TNFSF4: variants seen among roughly 807,000 people sequenced by gnomAD.
TNFSF4 encodes the protein TNF superfamily member 4, also known as tumor necrosis factor ligand superfamily member 4.
TNFSF4 carries 4 observed loss-of-function variants against 7.3 expected under a neutral mutation model. That is an observed-to-expected ratio of 0.55 (90% CI 0.27 to 1.25). The LOEUF is 1.25. Among genes scored for constraint, TNFSF4 ranks in the 50% most tolerant of loss-of-function variants. The pLI is 0.12. For synonymous variants in TNFSF4, 76 were observed against 83.7 expected (o/e 0.91, Z 0.50); for missense variants, 181 against 208.8 (o/e 0.87, Z 0.82).
At chr1:173,373,410 A>G in the TNFSF4 span, among the ~76,000 whole-genome samples, 1 of 152,204 alleles carries the variant, frequency 6.6e-6, no homozygotes, top group Non-Finnish European at 1.5e-5. Flanking sequence ...GTATTCCCCA[A>G]CTGAAACAGA....
chr1:173,299,633 A>G, the TNFSF4 span, among the ~76,000 whole-genome samples: 1 of 151,894 alleles, frequency 6.6e-6, no homozygotes, highest in Non-Finnish European at 1.5e-5. Context: ...TGCTTTTTGT[A>G]TTGACTATTT....
the TNFSF4 span, among the ~76,000 whole-genome samples, chr1:173,361,972 A>C: frequency 6.6e-6 from 1 of 152,192 alleles, no homozygotes; most frequent in African/African-American, 2.4e-5. Flanking sequence ...CATCAATTCC[A>C]AGAGGGCCAT....
the TNFSF4 span, among the ~76,000 whole-genome samples, chr1:173,335,278 C>T: frequency 1.3e-5 from 2 of 152,008 alleles, no homozygotes; most frequent in Non-Finnish European, 2.9e-5. Flanking sequence ...GGATATGTTA[C>T]TTAAGATCTA....
the TNFSF4 span, among the ~76,000 whole-genome samples, chr1:173,258,798 GC>G: frequency 6.6e-6 from 1 of 152,134 alleles, no homozygotes; most frequent in Non-Finnish European, 1.5e-5. Flanking sequence ...GGGTTTCCCT[GC>G]AGGAATTTCA....
At chr1:173,359,454 A>T in the TNFSF4 span, among the ~76,000 whole-genome samples, 2 of 75,580 alleles carry the variant, frequency 2.6e-5, no homozygotes, top group African/African-American at 9.2e-5. Context: ...TTTATATTTA[A>T]AAAAAAAAAA....
the TNFSF4 span, among the ~76,000 whole-genome samples, chr1:173,355,360 G>A: frequency 5.3e-5 from 8 of 152,146 alleles, no homozygotes; most frequent in South Asian, 1.7e-3. Context: ...ACATCTTTGC[G>A]GGGTCGGGGA....
the TNFSF4 span, among the ~76,000 whole-genome samples, chr1:173,365,277 G>C: frequency 6.6e-6 from 1 of 152,110 alleles, no homozygotes; most frequent in Non-Finnish European, 1.5e-5. Flanking sequence ...TTTTTGGCTA[G>C]ATGCTCTTTT....
chr1:173,180,558 T>C (rs1047893073), downstream of TNFSF4, among the ~76,000 whole-genome samples: 1 of 152,188 alleles, frequency 6.6e-6, no homozygotes, highest in African/African-American at 2.4e-5. Context: ...TTTTAGACTT[T>C]CAAATGTCTG....
the TNFSF4 span, among the ~76,000 whole-genome samples, chr1:173,256,887 G>A: frequency 3.3e-5 from 5 of 152,192 alleles, no homozygotes; most frequent in African/African-American, 1.2e-4. Flanking sequence ...TGAATTCATA[G>A]CTCTTCAAAC....
At chr1:173,250,488 C>G in the TNFSF4 span, among the ~76,000 whole-genome samples, 17 of 147,204 alleles carry the variant, frequency 1.2e-4, no homozygotes, top group African/African-American at 3.8e-4. Flanking sequence ...GAGACGGAGT[C>G]TCGCTCTGTC....
the TNFSF4 span, among the ~76,000 whole-genome samples, chr1:173,330,013 C>T: frequency 6.6e-6 from 1 of 152,126 alleles, no homozygotes; most frequent in Non-Finnish European, 1.5e-5. Context: ...GTAAACAGAT[C>T]AGCTCCTGTC....
the TNFSF4 span, among the ~76,000 whole-genome samples, chr1:173,353,297 T>TA: frequency 2.0e-5 from 3 of 152,184 alleles, no homozygotes; most frequent in Non-Finnish European, 2.9e-5. Flanking sequence ...GAGATTGCAG[T>TA]AAAGACAGGC....
At chr1:173,313,128 T>C in the TNFSF4 span, among the ~76,000 whole-genome samples, 2 of 152,078 alleles carry the variant, frequency 1.3e-5, no homozygotes, top group Non-Finnish European at 2.9e-5. Flanking sequence ...TAGTAACCAA[T>C]GTCAGGATTC....
chr1:173,346,748 A>C, the TNFSF4 span, among the ~76,000 whole-genome samples: 148,217 of 152,226 alleles, frequency 0.97, 72,299 homozygotes, highest in East Asian at 1. Flanking sequence ...GTAATATAAT[A>C]TCCTGCCCAC....
chr1:173,444,626 A>G, the TNFSF4 span, among the ~76,000 whole-genome samples: 1 of 152,158 alleles, frequency 6.6e-6, no homozygotes, highest in African/African-American at 2.4e-5. Flanking sequence ...CTTTCAGGGA[A>G]AAGAAAATTT....
chr1:173,370,019 C>T, the TNFSF4 span, among the ~76,000 whole-genome samples: 6 of 152,182 alleles, frequency 3.9e-5, no homozygotes, highest in African/African-American at 1.4e-4. Context: ...CAAGGGACCA[C>T]AGAAAACCCT....
the TNFSF4 span, among the ~76,000 whole-genome samples, chr1:173,229,686 C>A: frequency 1.6e-4 from 24 of 152,056 alleles, no homozygotes; most frequent in Non-Finnish European, 2.5e-4. Flanking sequence ...TTCAGGAGAC[C>A]CATCTCACAT....
the TNFSF4 span, among the ~76,000 whole-genome samples, chr1:173,250,172 G>A: frequency 6.6e-6 from 1 of 152,080 alleles, no homozygotes; most frequent in Non-Finnish European, 1.5e-5. Flanking sequence ...TGACTAAATT[G>A]AGATCTTTAT....
the TNFSF4 span, among the ~76,000 whole-genome samples, chr1:173,421,347 T>C: frequency 2.6e-5 from 4 of 152,200 alleles, no homozygotes; most frequent in African/African-American, 7.2e-5. Context: ...ACCCCCATTT[T>C]ATGGATAAGG....
Sources: allele counts gnomAD v4.1 joint callset (sites outside exome capture counted in the v4.1 genomes callset), GRCh38; gene constraint gnomAD v4.1.1; transcripts MANE v1.5; gene names NCBI Gene and HGNC (gene_info 2026-07-23, HGNC 2026-07-21).